P2RX1: variants seen among roughly 807,000 people sequenced by gnomAD.
P2RX1 encodes P2X purinoceptor 1.
A neutral mutation model predicts 50.3 loss-of-function variants in P2RX1; 42 were observed. That is an observed-to-expected ratio of 0.83 (90% confidence interval 0.65 to 1.08). P2RX1 has a LOEUF of 1.08. Ranked by LOEUF, P2RX1 falls within the 50% of genes least tolerant of loss-of-function variation. The pLI is 0.00. For synonymous variants in P2RX1, 199 were observed against 202.6 expected (o/e 0.98, Z 0.15); for missense variants, 449 against 529.0 (o/e 0.85, Z 1.48).
At chr17:3,900,470 C>CA (rs899055628) in intron 7 of P2RX1, among the ~76,000 whole-genome samples, 8 of 151,798 alleles carry the variant, frequency 5.3e-5, no homozygotes, top group Admixed American at 3.3e-4. Flanking sequence ...TCAACAACAA[C>CA]AAAAAAAACT....
intron 2 of P2RX1, 22 bp from the exon 3 acceptor site, chr17:3,904,951 A>C: frequency 6.3e-6 from 1 of 159,544 alleles, no homozygotes; most frequent in Non-Finnish European, 1.3e-5. Context: ...GGGCAGGGGG[A>C]GGGTGGGGTG....
chr17:3,912,505 A>G (rs1567658707), intron 1 of P2RX1, among the ~76,000 whole-genome samples: 1 of 151,538 alleles, frequency 6.6e-6, no homozygotes, highest in African/African-American at 2.4e-5. Flanking sequence ...TAATTTTTGT[A>G]TTTTTAGTAG....
At chr17:3,905,105 C>T in intron 2 of P2RX1, 115 bp downstream of exon 2, 1 of 1,423,516 alleles carries the variant, frequency 7.0e-7, no homozygotes, top group Non-Finnish European at 9.7e-7. Context: ...CCGGCATTCA[C>T]AGAGGTCCAG....
At chr17:3,906,383 G>A (rs957402735) in intron 1 of P2RX1, among the ~76,000 whole-genome samples, 2 of 152,148 alleles carry the variant, frequency 1.3e-5, no homozygotes, top group Admixed American at 6.5e-5. Context: ...CGCCCGCCTC[G>A]GCCTCCCAAA....
rs2074990 is a variant in P2RX1 at position 3,903,500 on chromosome 17, C to T, written c.605+51G>A. On this transcript the variant is annotated intron_variant, in intron 6 of 11. Coordinates refer to ENST00000225538, the MANE Select transcript of P2RX1 (RefSeq NM_002558.4). This position sits in a 1 kb window ranked among gnomAD's most constrained non-coding sequence, Gnocchi z 4.6. ...GGAGACAGAGACAGCTGAGAGCTGC[C>T]GGAGCGGCCCCGGCCAGCTGCCTGC... The T allele has an allele frequency of 5.6e-6, 9 of 1,599,444 alleles. No homozygotes were observed. Among genetic ancestry groups the T allele is most frequent in the South Asian group, 2.2e-5 (2 of 90,702 alleles).
intron 1 of P2RX1, among the ~76,000 whole-genome samples, chr17:3,906,774 C>T (rs2056273609): frequency 6.6e-6 from 1 of 152,238 alleles, no homozygotes; most frequent in South Asian, 2.1e-4. Context: ...TAACCTCCCT[C>T]TTAGCCCCAG....
At chr17:3,902,042 G>A (rs985846181) in intron 7 of P2RX1, among the ~76,000 whole-genome samples, 4 of 152,188 alleles carry the variant, frequency 2.6e-5, no homozygotes, top group South Asian at 2.1e-4. Context: ...CTGCTTCTTC[G>A]GAATCCCAGG....
Position 3,897,383 on chromosome 17 carries a change from C to T in P2RX1, c.*431G>A, listed in dbSNP as rs9898768. 0.034 allele frequency: 9,352 copies of T among 271,382 alleles called. 847 individuals are homozygous for T. Among genetic ancestry groups the T allele is most frequent in the African/African-American group, 0.19 (8,713 of 45,954 alleles). The allele number at this position is 271,382 out of a possible 1,614,324, so 16.8% of individuals were successfully genotyped here. ...GCAGTTGAAATGTGGCTAGTTCAGCCGAGGAATTGAATTTTGTGTTTCATT... is the reference window on the plus strand; with the variant it reads ...GCAGTTGAAATGTGGCTAGTTCAGCTGAGGAATTGAATTTTGTGTTTCATT... On this transcript the variant is annotated 3_prime_UTR_variant, in exon 12 of 12. Transcript: ENST00000225538.
chr17:3,901,917 G>A (rs568705768), intron 7 of P2RX1, among the ~76,000 whole-genome samples: 66 of 151,932 alleles, frequency 4.3e-4, no homozygotes, highest in Admixed American at 1.4e-3. Flanking sequence ...GCCCCCCGTC[G>A]GTGGGTCCAA....
In P2RX1 at chr17:3,897,894, C is replaced by G; in HGVS notation, c.1135-15G>C. On this transcript the variant is annotated splice_polypyrimidine_tract_variant and intron_variant, in intron 11 of 11. Transcript: ENST00000225538. ...TCACGCTCAGCCTGTGTACGTGGTGCAAGGGTTGGGGGATACAAGTCAGTG... is the reference window on the plus strand; with the variant it reads ...TCACGCTCAGCCTGTGTACGTGGTGGAAGGGTTGGGGGATACAAGTCAGTG... 1 of 1,613,950 alleles carries G rather than the reference C, an allele frequency of 6.2e-7. No individual in the cohort carries two copies. The highest frequency in any genetic ancestry group is 8.5e-7 in the Non-Finnish European group (1 of 1,179,948).
chr17:3,904,428 G>A (rs1225019711), intron 3 of P2RX1, 29 bp from the exon 4 acceptor site: 3 of 1,603,200 alleles, frequency 1.9e-6, no homozygotes, highest in Middle Eastern at 1.7e-4. Flanking sequence ...GCTGGTCCCA[G>A]GCCCCTTGGG....
intron 2 of P2RX1, 41 bp downstream of exon 2, chr17:3,905,175 GAGAC>G: frequency 1.9e-6 from 3 of 1,604,796 alleles, no homozygotes; most frequent in Non-Finnish European, 2.6e-6. Context: ...ACCCAACTCT[GAGAC>G]AGGCCCTGTG....
At position 3,898,939 on chromosome 17, in the gene P2RX1, C is replaced by T. The variant is rs1172763858; in HGVS notation, c.961G>A (p.Gly321Ser). 28 of 1,612,762 alleles carry T rather than the reference C, an allele frequency of 1.7e-5. No individual in the cohort carries two copies. The Admixed American group carries it at 1.8e-4, about 11-fold the overall frequency. The change falls in exon 9 of 12, where the codon GGC (glycine) becomes AGC (serine). Residue 321 changes from glycine to serine, a missense_variant. Transcript: ENST00000225538. ...CCCTCACACTGGACACTCACCTTGC[C>T]GTCCACCAGGATGTCAAAGCGAATC... Reference protein sequence around the residue: ...FGIRFDILVDGKAGKFDIIPT... With the variant: ...FGIRFDILVDSKAGKFDIIPT...
At chr17:3,904,622 C>T (rs913084416) in intron 3 of P2RX1, 6 of 629,842 alleles carry the variant, frequency 9.5e-6, no homozygotes, top group East Asian at 2.7e-5. Context: ...GTCAGCTGGG[C>T]GGTGGGGGTG....
chr17:3,899,522 C>T (rs2056096519), intron 8 of P2RX1, 112 bp downstream of exon 8: 1 of 1,439,986 alleles, frequency 6.9e-7, no homozygotes, highest in Non-Finnish European at 9.7e-7. Flanking sequence ...GAGAGCTGCC[C>T]AGGACCCTCT....
chr17:3,898,698 A>G, intron 9 of P2RX1, 149 bp from the exon 10 acceptor site: 1 of 755,384 alleles, frequency 1.3e-6, no homozygotes, highest in East Asian at 2.7e-5. Flanking sequence ...GCTGGTCAGT[A>G]GACCTGGGTT....
chr17:3,903,291 GA>G lies in P2RX1; in HGVS notation c.657del (p.His220ThrfsTer113), dbSNP rs1263380011. 1 of 1,614,184 alleles carries G rather than the reference GA, an allele frequency of 6.2e-7. No individual in the cohort carries two copies. Among genetic ancestry groups the G allele is most frequent in the Non-Finnish European group, 8.5e-7 (1 of 1,180,022 alleles). On this transcript the variant is annotated frameshift_variant, in exon 7 of 12. Coordinates refer to ENST00000225538, the MANE Select transcript of P2RX1 (RefSeq NM_002558.4). LOFTEE classifies it high-confidence loss of function. This position sits in a 1 kb window ranked among gnomAD's most constrained non-coding sequence, Gnocchi z 4.6. The stretch of plus-strand genomic sequence containing the variant: ...GGGCACAGGGGGTGCAGGGTCTTGT[GA>G]AAGAGGCAGGTCTTCATGTGGGCAG... ...VNAAHMKTCLFHKTLHPLCPV... is the reference protein window; with the variant it reads ...VNAAHMKTCLXHKTLHPLCPV...
chr17:3,903,222 A>G lies in P2RX1; in HGVS notation c.727T>C (p.Phe243Leu). The G allele has an allele frequency of 1.9e-6, 3 of 1,614,096 alleles. No individual in the cohort carries two copies. Among genetic ancestry groups the G allele is most frequent in the Non-Finnish European group, 2.5e-6 (3 of 1,180,022 alleles). ...GYVVQESGQN[F>L]STLAEKGGVV... Reference sequence around the variant, plus strand: ...CATACCTTCTCAGCCAGGGTGCTGAAGTTCTGGCCTGACTCTTGCACCACG... The same window carrying G: ...CATACCTTCTCAGCCAGGGTGCTGAGGTTCTGGCCTGACTCTTGCACCACG... Residue 243 changes from phenylalanine to leucine, a missense_variant, in exon 7 of 12, where the codon TTC becomes CTC. Coordinates refer to ENST00000225538, the MANE Select transcript of P2RX1 (RefSeq NM_002558.4). The surrounding 1 kb of genome is among the most constrained non-coding windows in gnomAD (Gnocchi z 4.6).
At chr17:3,902,592 G>A (rs528622998) in intron 7 of P2RX1, among the ~76,000 whole-genome samples, 17 of 151,182 alleles carry the variant, frequency 1.1e-4, no homozygotes, top group Admixed American at 7.9e-4. Context: ...CACTGTGCCC[G>A]GCCAATTTTT....
Sources: gnomAD v4.1 joint callset for allele counts (sites outside exome capture counted in the v4.1 genomes callset) on GRCh38, gnomAD v4.1.1 for gene constraint, Gnocchi (gnomAD v3.1) non-coding constraint, MANE v1.5 for transcripts, NCBI Gene and HGNC (gene_info 2026-07-23, HGNC 2026-07-21) for gene names.